Variants in NLGN4X observed in about 807,000 individuals in gnomAD.
NLGN4X encodes the protein neuroligin-4, X-linked.
Under a neutral mutation model 40.3 loss-of-function variants are expected in NLGN4X, and 3 were observed. The observed-to-expected ratio is 0.07, with a 90% CI of 0.03 to 0.19. NLGN4X has a LOEUF of 0.19. Ranked by LOEUF, NLGN4X falls within the 10% of genes least tolerant of loss-of-function variation. The pLI is 1.00. For synonymous variants in NLGN4X, 270 were observed against 306.8 expected (o/e 0.88, Z 1.25); for missense variants, 382 against 708.3 (o/e 0.54, Z 5.23).
At chrX:5,940,934 T>C (rs2033909429) in intron 3 of NLGN4X, among the ~76,000 whole-genome samples, 1 of 110,010 alleles carries the variant, frequency 9.1e-6, no homozygotes, top group Admixed American at 9.7e-5. Context: ...CAAAGCAACA[T>C]GGAGACCTTG....
At chrX:6,176,057 C>A (rs987146214) in intron 1 of NLGN4X, among the ~76,000 whole-genome samples, 2 of 111,544 alleles carry the variant, frequency 1.8e-5, no homozygotes, top group Non-Finnish European at 3.8e-5. Context: ...TCAACAAAGA[C>A]GCTCTGCTCT....
At chrX:5,953,195 A>T (rs929966578) in intron 3 of NLGN4X, among the ~76,000 whole-genome samples, 1 of 108,384 alleles carries the variant, frequency 9.2e-6, no homozygotes, top group African/African-American at 3.4e-5. Flanking sequence ...ACACAGTGAG[A>T]CCTAATCTAC....
At chrX:6,136,159 G>A (rs999851702) in intron 2 of NLGN4X, among the ~76,000 whole-genome samples, 2 of 112,011 alleles carry the variant, frequency 1.8e-5, no homozygotes, top group Non-Finnish European at 3.8e-5. Flanking sequence ...GCTCACTGCA[G>A]CCTCGACCTC....
At chrX:5,949,953 A>C (rs757415097) in intron 3 of NLGN4X, among the ~76,000 whole-genome samples, 33 of 111,876 alleles carry the variant, frequency 2.9e-4, no homozygotes, top group African/African-American at 1.1e-3. Flanking sequence ...GAAAACCTGG[A>C]ATGTAGCAAA....
At chrX:6,084,279 G>A (rs2038441878) in intron 2 of NLGN4X, among the ~76,000 whole-genome samples, 1 of 111,606 alleles carries the variant, frequency 9.0e-6, no homozygotes, top group African/African-American at 3.3e-5. Context: ...TTGGAGAACT[G>A]GAGGACAAAG....
chrX:5,970,786 T>C (rs1199765902), intron 3 of NLGN4X, among the ~76,000 whole-genome samples: 1 of 112,085 alleles, frequency 8.9e-6, no homozygotes, highest in Non-Finnish European at 1.9e-5. Context: ...ATTGATACTA[T>C]ATTCATCAAC....
At chrX:6,007,035 A>G (rs2036119745) in intron 3 of NLGN4X, among the ~76,000 whole-genome samples, 1 of 112,104 alleles carries the variant, frequency 8.9e-6, no homozygotes, top group Admixed American at 9.5e-5. Flanking sequence ...CAGCAAAGTC[A>G]TGAAATCAAC....
chrX:6,005,065 C>T, intron 3 of NLGN4X, among the ~76,000 whole-genome samples: 1 of 112,215 alleles, frequency 8.9e-6, no homozygotes, highest in Non-Finnish European at 1.9e-5. Context: ...GTTTACTTAT[C>T]CTGATATCAT....
chrX:5,921,391 C>CAGAGAGAA (rs2033041198), intron 3 of NLGN4X, among the ~76,000 whole-genome samples: 1 of 53,088 alleles, frequency 1.9e-5, no homozygotes, highest in African/African-American at 6.8e-5. Flanking sequence ...GAAAATGAAC[C>CAGAGAGAA]AGAGAGAGAG....
chrX:5,910,295 G>GCC (rs2032417144), intron 3 of NLGN4X, among the ~76,000 whole-genome samples: 1 of 109,099 alleles, frequency 9.2e-6, no homozygotes, highest in Non-Finnish European at 1.9e-5. Flanking sequence ...TACTGGATAT[G>GCC]CCTTCCAAAA....
intron 3 of NLGN4X, among the ~76,000 whole-genome samples, chrX:6,021,761 CAA>C (rs2036565432): frequency 9.4e-6 from 1 of 106,451 alleles, no homozygotes; most frequent in South Asian, 4.0e-4. Flanking sequence ...TTTTGTTTTG[CAA>C]AGTGTCTTGG....
At chrX:5,971,427 T>C (rs141128539) in intron 3 of NLGN4X, among the ~76,000 whole-genome samples, 7,508 of 110,985 alleles carry the variant, frequency 0.068, 629 homozygotes, top group African/African-American at 0.23. Flanking sequence ...TACTTTTCCC[T>C]TCTTATTCAC....
chrX:5,992,279 C>T (rs2035704077), intron 3 of NLGN4X, among the ~76,000 whole-genome samples: 1 of 112,018 alleles, frequency 8.9e-6, no homozygotes, highest in Non-Finnish European at 1.9e-5. Context: ...ATATGCATTG[C>T]TATAACGGAA....
At chrX:6,166,278 T>C (rs1198763056) in intron 1 of NLGN4X, among the ~76,000 whole-genome samples, 1 of 111,396 alleles carries the variant, frequency 9.0e-6, no homozygotes, top group Non-Finnish European at 1.9e-5. Context: ...TTATTGATTG[T>C]AGAAACAGAG....
In NLGN4X at chrX:5,933,334, T is replaced by C. The variant is rs1264884445; in HGVS notation, c.626-24095A>G. Among the ~76,000 whole-genome samples the C allele has an allele frequency of 3.6e-5, 4 of 111,482 alleles. No individual in the cohort carries two copies. The East Asian group carries it at 1.1e-3, about 31-fold the overall frequency. On this transcript the variant is annotated intron_variant, in intron 3 of 5. Coordinates refer to ENST00000381095, the MANE Select transcript of NLGN4X (RefSeq NM_181332.3). ...GAAGACAAAAATCATATATGGATAA[T>C]AGCCCAGAACTTAAATTCTTGGAAA...
At chrX:6,161,926 G>A (rs1284414160) in intron 1 of NLGN4X, among the ~76,000 whole-genome samples, 2 of 111,118 alleles carry the variant, frequency 1.8e-5, no homozygotes, top group African/African-American at 6.5e-5. Context: ...ATATATATTC[G>A]AACTAACCAA....
At chrX:6,179,016 T>C (rs960226826) in intron 1 of NLGN4X, among the ~76,000 whole-genome samples, 2 of 107,977 alleles carry the variant, frequency 1.9e-5, no homozygotes, top group Non-Finnish European at 3.8e-5. Context: ...GGAAGATTAC[T>C]TGAGCCCAGG....
intron 2 of NLGN4X, among the ~76,000 whole-genome samples, chrX:6,120,537 G>T (rs186182668): frequency 1.8e-5 from 2 of 111,579 alleles, no homozygotes; most frequent in East Asian, 5.6e-4. Flanking sequence ...CCTCACAACA[G>T]CCCCGTTGAG....
At chrX:6,212,020 C>T (rs1013994710) in intron 1 of NLGN4X, among the ~76,000 whole-genome samples, 1 of 110,823 alleles carries the variant, frequency 9.0e-6, no homozygotes, top group Non-Finnish European at 1.9e-5. Context: ...TTGAGGTGGG[C>T]GGCTCATCTG....
Sources: gnomAD v4.1 joint callset for allele counts (sites outside exome capture counted in the v4.1 genomes callset) on GRCh38, gnomAD v4.1.1 for gene constraint, MANE v1.5 for transcripts, NCBI Gene and HGNC (gene_info 2026-07-23, HGNC 2026-07-21) for gene names.